The following TMIGD1 variants were observed in gnomAD, a reference collection of about 807,000 sequenced individuals.
TMIGD1 encodes the protein transmembrane and immunoglobulin domain-containing protein 1.
In TMIGD1, 29 loss-of-function variants were observed where a neutral mutation model predicts 27.5. The ratio of observed to expected loss-of-function variants is 1.05; its 90% CI spans 0.78 to 1.44. TMIGD1 has a LOEUF of 1.44. Among genes scored for constraint, TMIGD1 ranks in the 40% most tolerant of loss-of-function variants. TMIGD1 has a pLI of 0.00. For synonymous variants in TMIGD1, 109 were observed against 110.3 expected (o/e 0.99, Z 0.07); for missense variants, 334 against 310.6 (o/e 1.08, Z -0.57).
At chr17:30,332,182 G>C in intron 1 of TMIGD1, 24 bp from the exon 2 acceptor site, 1 of 1,494,304 alleles carries the variant, frequency 6.7e-7, no homozygotes, top group Non-Finnish European at 9.2e-7. Context: ...AGTGCAGTTG[G>C]TTTTGTACTT....
At chr17:30,317,153 G>C (rs1162163545) in intron 6 of TMIGD1, 40 bp downstream of exon 6, 1 of 1,606,334 alleles carries the variant, frequency 6.2e-7, no homozygotes, top group Non-Finnish European at 8.5e-7. Context: ...CTATTCATCT[G>C]CTTATTTAAA....
intron 4 of TMIGD1, among the ~76,000 whole-genome samples, chr17:30,320,728 A>G (rs1341183144): frequency 2.0e-5 from 3 of 152,226 alleles, no homozygotes; most frequent in Non-Finnish European, 4.4e-5. Context: ...GCAGCGTGGC[A>G]TATCCGTAGT....
rs777941326 is a variant in TMIGD1, at chr17:30,325,099, A to G, written c.362-5T>C. Reference sequence around the variant, plus strand: ...TTCCACTTAGGAGAGGAGGAACTGCAAGACTCAAGCATTTAGATTTAATTA... The same window carrying G: ...TTCCACTTAGGAGAGGAGGAACTGCGAGACTCAAGCATTTAGATTTAATTA... On this transcript the variant is annotated splice_region_variant and splice_polypyrimidine_tract_variant and intron_variant, in intron 3 of 6. Transcript: ENST00000328886. 1 of 1,606,178 alleles carries G rather than the reference A, an allele frequency of 6.2e-7. No homozygotes were observed. The highest frequency in any genetic ancestry group is 8.5e-7 in the Non-Finnish European group (1 of 1,174,718).
chr17:30,332,406 G>GAT (rs1406516825), intron 1 of TMIGD1, among the ~76,000 whole-genome samples: 2 of 152,194 alleles, frequency 1.3e-5, no homozygotes, highest in Admixed American at 1.3e-4. Context: ...AGCAGCGTCA[G>GAT]GGTGCCCTGG....
At chr17:30,332,711 C>T (rs753665791) in intron 1 of TMIGD1, among the ~76,000 whole-genome samples, 2 of 152,050 alleles carry the variant, frequency 1.3e-5, no homozygotes, top group South Asian at 2.1e-4. Flanking sequence ...TTCCCCTTGA[C>T]CCAATGGACT....
At chr17:30,319,429 CA>C (rs1286864435) in intron 4 of TMIGD1, among the ~76,000 whole-genome samples, 2,142 of 40,796 alleles carry the variant, frequency 0.053, 17 homozygotes, top group African/African-American at 0.072. Context: ...TCTCTGTCTC[CA>C]AAAAAAAAAA....
intron 6 of TMIGD1, chr17:30,316,992 A>G: frequency 1.5e-6 from 1 of 654,968 alleles, no homozygotes; most frequent in Non-Finnish European, 2.7e-6. Context: ...CAGGCTTAGG[A>G]CTAAAGGTGT....
intron 4 of TMIGD1, among the ~76,000 whole-genome samples, chr17:30,319,261 A>AAAAAAAAAAAAAAAATAT: frequency 1.4e-5 from 1 of 69,066 alleles, no homozygotes; most frequent in African/African-American, 9.1e-5. Context: ...AAAAAAAAAA[A>AAAAAAAAAAAAAAAATAT]ATATATATAT....
intron 5 of TMIGD1, 54 bp from the exon 6 acceptor site, chr17:30,317,287 T>C: frequency 6.3e-7 from 1 of 1,599,680 alleles, no homozygotes; most frequent in Non-Finnish European, 8.6e-7. Flanking sequence ...CATGGAGAAA[T>C]ATTTTGAATG....
chr17:30,329,888 T>C (rs1172511138), intron 2 of TMIGD1, among the ~76,000 whole-genome samples: 1 of 150,434 alleles, frequency 6.6e-6, no homozygotes, highest in Non-Finnish European at 1.5e-5. Context: ...CTGGGTAACA[T>C]AGTGAGACTC....
In TMIGD1 at chr17:30,324,969, C is replaced by T. The variant is rs199979004; in HGVS notation, c.487G>A (p.Asp163Asn). The change falls in exon 4 of 7, where the codon GAT (aspartate) becomes AAT (asparagine). Residue 163 changes from aspartate (D) to asparagine (N), a missense_variant. By Grantham distance (23) the Asp-to-Asn change is conservative. Coordinates refer to ENST00000328886, the MANE Select transcript of TMIGD1 (RefSeq NM_206832.3). ...ATTTGGTGACGGCTTTTCTCTAAAT[C>T]GAGGAGACTACTGTTTTTGTACCAC... Reference protein sequence around the residue: ...MMWYKNSSLLDLEKSRHQIQQ... With the variant: ...MMWYKNSSLLNLEKSRHQIQQ... 63 of 1,614,044 alleles carry T rather than the reference C, an allele frequency of 3.9e-5. No homozygotes were observed. Among genetic ancestry groups the T allele is most frequent in the Non-Finnish European group, 4.7e-5 (56 of 1,179,990 alleles).
chr17:30,330,110 C>T (rs1052207343), intron 2 of TMIGD1, among the ~76,000 whole-genome samples: 1 of 152,000 alleles, frequency 6.6e-6, no homozygotes, highest in East Asian at 1.9e-4. Context: ...ATGCCTGATT[C>T]TCATCCCCAG....
At chr17:30,331,583 AT>A (rs71360742) in intron 2 of TMIGD1, among the ~76,000 whole-genome samples, 3,267 of 133,116 alleles carry the variant, frequency 0.025, 29 homozygotes, top group African/African-American at 0.041. Context: ...TTTCCATTTG[AT>A]TTTTTTTTTT....
At chr17:30,321,245 C>T (rs1372381933) in intron 4 of TMIGD1, among the ~76,000 whole-genome samples, 1 of 151,820 alleles carries the variant, frequency 6.6e-6, no homozygotes, top group Non-Finnish European at 1.5e-5. Flanking sequence ...ATTCTCCTAC[C>T]TGGGCCTCCC....
intron 4 of TMIGD1, among the ~76,000 whole-genome samples, chr17:30,323,321 A>G (rs1334022619): frequency 1.3e-5 from 2 of 152,132 alleles, no homozygotes; most frequent in African/African-American, 2.4e-5. Flanking sequence ...ATCCCAACAC[A>G]TGGGCTAAAT....
At chr17:30,325,134 C>G in intron 3 of TMIGD1, 40 bp from the exon 4 acceptor site, 1 of 1,565,676 alleles carries the variant, frequency 6.4e-7, no homozygotes, top group Non-Finnish European at 8.7e-7. Flanking sequence ...AGCAGATAAG[C>G]AATAGTTCAC....
chr17:30,330,448 G>C (rs528915432), intron 2 of TMIGD1, among the ~76,000 whole-genome samples: 2 of 151,946 alleles, frequency 1.3e-5, no homozygotes, highest in East Asian at 3.9e-4. Flanking sequence ...TAAACTTTAG[G>C]CAAAAAGGCA....
At chr17:30,326,297 A>G (rs1193057920) in intron 3 of TMIGD1, among the ~76,000 whole-genome samples, 1 of 152,244 alleles carries the variant, frequency 6.6e-6, no homozygotes, top group Non-Finnish European at 1.5e-5. Context: ...GCATATCAGT[A>G]TATGTGAATA....
intron 3 of TMIGD1, among the ~76,000 whole-genome samples, chr17:30,327,018 C>T (rs1184870308): frequency 1.3e-5 from 2 of 151,178 alleles, no homozygotes; most frequent in Non-Finnish European, 2.9e-5. Context: ...TCAGTACTGT[C>T]ATTATGGATT....
Sources: allele counts gnomAD v4.1 joint callset (sites outside exome capture counted in the v4.1 genomes callset), GRCh38; gene constraint gnomAD v4.1.1; transcripts MANE v1.5; gene names NCBI Gene and HGNC (gene_info 2026-07-23, HGNC 2026-07-21).